EXOC6: variants seen among roughly 807,000 people sequenced by gnomAD.
EXOC6 encodes the protein SEC15-like 1.
EXOC6 carries 60 observed loss-of-function variants against 112.5 expected under a neutral mutation model. That is an observed-to-expected ratio of 0.53 (90% confidence interval 0.43 to 0.66). EXOC6 has a LOEUF of 0.66. Ranked by LOEUF, EXOC6 falls within the 30% of genes least tolerant of loss-of-function variation. EXOC6 has a pLI of 0.00. For missense variants in EXOC6, 855 were observed against 957.1 expected (o/e 0.89, Z 1.41); for synonymous variants, 295 against 308.0 (o/e 0.96, Z 0.44).
At chr10:92,868,154 G>A (rs61860828) in intron 1 of EXOC6, among the ~76,000 whole-genome samples, 3,343 of 152,082 alleles carry the variant, frequency 0.022, 55 homozygotes, top group African/African-American at 0.041. Flanking sequence ...TCCAGATTCC[G>A]GAGTTATAGG....
intron 18 of EXOC6, among the ~76,000 whole-genome samples, chr10:92,979,829 G>A (rs912957230): frequency 4.0e-5 from 6 of 150,644 alleles, no homozygotes; most frequent in South Asian, 2.1e-4. Context: ...CCCAGGAGGC[G>A]GAGGCTTTAG....
At chr10:93,028,046 C>T (rs1397877640) in intron 20 of EXOC6, among the ~76,000 whole-genome samples, 3 of 152,122 alleles carry the variant, frequency 2.0e-5, no homozygotes, top group Non-Finnish European at 4.4e-5. Flanking sequence ...CCTGTAATCC[C>T]GACACTTTGG....
rs549129131 is a variant in EXOC6, at chr10:92,880,337, G to A, written c.102-13012G>A. Among the ~76,000 whole-genome samples, 7 of 152,230 alleles carry A rather than the reference G, an allele frequency of 4.6e-5. No individual in the cohort carries two copies. In the East Asian group the frequency reaches 7.7e-4, roughly 17 times the overall value. On this transcript the variant is annotated intron_variant, in intron 1 of 21. Coordinates refer to ENST00000260762, the MANE Select transcript of EXOC6 (RefSeq NM_019053.6). ...AAGTCCATGCATGTTTAGTATAGAC[G>A]CAACCACCCATTTTTTTTTTCCTTG...
chr10:92,992,285 C>T (rs1376140464), intron 18 of EXOC6, among the ~76,000 whole-genome samples: 5 of 51,544 alleles, frequency 9.7e-5, no homozygotes, highest in Non-Finnish European at 1.6e-4. Flanking sequence ...AAGACTCTGT[C>T]TCAAAAAAAA....
intron 18 of EXOC6, among the ~76,000 whole-genome samples, chr10:92,979,320 T>C (rs1329190466): frequency 2.0e-5 from 3 of 152,204 alleles, no homozygotes; most frequent in African/African-American, 7.2e-5. Flanking sequence ...CCACCATGCC[T>C]GGCTAATCAG....
At chr10:92,884,716 A>G (rs546561855) in intron 1 of EXOC6, among the ~76,000 whole-genome samples, 1 of 152,320 alleles carries the variant, frequency 6.6e-6, no homozygotes, top group Non-Finnish European at 1.5e-5. Context: ...TCACAGTTGT[A>G]ATGGATTTAT....
intron 20 of EXOC6, among the ~76,000 whole-genome samples, chr10:93,047,567 G>A (rs1015898501): frequency 6.6e-6 from 1 of 151,404 alleles, no homozygotes; most frequent in African/African-American, 2.4e-5. Context: ...AACAAAAAGA[G>A]GAGAAGAAGA....
chr10:92,836,268 C>T (rs1022896319), intron 1 of EXOC6, among the ~76,000 whole-genome samples: 1 of 152,200 alleles, frequency 6.6e-6, no homozygotes, highest in African/African-American at 2.4e-5. Flanking sequence ...ACTAACCTGT[C>T]GGCTAGTCTG....
chr10:92,912,102 G>A lies in EXOC6; in HGVS notation c.663+2471G>A, dbSNP rs192801860. Among the ~76,000 whole-genome samples, 439 of 150,846 alleles carry A rather than the reference G, an allele frequency of 2.9e-3. 2 individuals carry two copies. The highest frequency in any genetic ancestry group is 0.01 in the African/African-American group (422 of 41,028). On this transcript the variant is annotated intron_variant, in intron 6 of 21. Coordinates refer to ENST00000260762, the MANE Select transcript of EXOC6 (RefSeq NM_019053.6). ...GCTTATACCTTGTAAAGCAGCCCCC[G>A]CCTTTGGGTGCACTCTGTATCCTGT...
chr10:92,956,932 A>G (rs1397951667), intron 17 of EXOC6, among the ~76,000 whole-genome samples: 2 of 152,102 alleles, frequency 1.3e-5, no homozygotes, highest in Non-Finnish European at 2.9e-5. Context: ...CTTAGCCCAG[A>G]GCCATTCACT....
At position 92,879,056 on chromosome 10, in the gene EXOC6, A is replaced by G. The variant is rs181228583; in HGVS notation, c.102-14293A>G. Among the ~76,000 whole-genome samples, 43 of 152,276 alleles carry G rather than the reference A, an allele frequency of 2.8e-4. 1 individual carries two copies. The highest frequency in any genetic ancestry group is 2.3e-3 in the Admixed American group (35 of 15,294). On this transcript the variant is annotated intron_variant, in intron 1 of 21. Coordinates refer to ENST00000260762, the MANE Select transcript of EXOC6 (RefSeq NM_019053.6). ...GCAGTTTAGTAAAGTTGTTGCTTCC[A>G]CCTCAGGATATACTTTATACAATGT...
In EXOC6 at chr10:92,895,091, T is replaced by C. The variant is rs1849683441; in HGVS notation, c.412+71T>C. The C allele has an allele frequency of 1.4e-5, 12 of 870,142 alleles. No homozygotes were observed. In the East Asian group the frequency reaches 2.9e-4, roughly 21 times the overall value. 53.9% of individuals were successfully genotyped at this position (870,142 alleles called of 1,614,324 possible). ...GTAATTTAATAATAGCAAGTAGTGA[T>C]TCTTTGGTATGGGAATTACAGATTA... On this transcript the variant is annotated intron_variant, in intron 4 of 21. Coordinates refer to ENST00000260762, the MANE Select transcript of EXOC6 (RefSeq NM_019053.6).
intron 17 of EXOC6, among the ~76,000 whole-genome samples, chr10:92,972,699 C>T (rs981287511): frequency 6.6e-5 from 10 of 152,170 alleles, no homozygotes; most frequent in Admixed American, 3.9e-4. Flanking sequence ...TTTTCAGGGT[C>T]TTGTCTTATC....
At chr10:92,990,286 T>G (rs1483882572) in intron 18 of EXOC6, among the ~76,000 whole-genome samples, 1 of 152,210 alleles carries the variant, frequency 6.6e-6, no homozygotes, top group East Asian at 1.9e-4. Flanking sequence ...TTAGCCAAGT[T>G]CTGGCTAATC....
chr10:93,000,503 A>G (rs1436724100), intron 19 of EXOC6, among the ~76,000 whole-genome samples: 1 of 152,200 alleles, frequency 6.6e-6, no homozygotes. Context: ...AGTATGAGCT[A>G]TAACTCAAAA....
upstream of EXOC6, among the ~76,000 whole-genome samples, chr10:92,833,325 A>T (rs1459054078): frequency 2.6e-5 from 4 of 152,212 alleles, no homozygotes; most frequent in African/African-American, 9.7e-5. Flanking sequence ...ACCAGTGGGG[A>T]TGACTCTATC....
At chr10:92,896,251 G>A (rs1301246074) in intron 4 of EXOC6, among the ~76,000 whole-genome samples, 1 of 118,150 alleles carries the variant, frequency 8.5e-6, no homozygotes, top group Non-Finnish European at 1.6e-5. Context: ...AGGCTGGAGT[G>A]CAGTGGTATG....
chr10:92,924,535 C>G (rs1016395627), intron 8 of EXOC6, among the ~76,000 whole-genome samples: 6 of 152,098 alleles, frequency 3.9e-5, no homozygotes, highest in Admixed American at 1.3e-4. Context: ...AAAGTAAACC[C>G]TGGCTATTCA....
chr10:93,032,474 A>G (rs1313535833), intron 20 of EXOC6, among the ~76,000 whole-genome samples: 1 of 152,196 alleles, frequency 6.6e-6, no homozygotes, highest in Non-Finnish European at 1.5e-5. Context: ...CTGAGAAGAA[A>G]GTCTAATGTT....
Sources: gnomAD v4.1 joint callset for allele counts (sites outside exome capture counted in the v4.1 genomes callset) on GRCh38, gnomAD v4.1.1 for gene constraint, MANE v1.5 for transcripts, NCBI Gene and HGNC (gene_info 2026-07-23, HGNC 2026-07-21) for gene names.